The following ZNF879 variants were observed in gnomAD, a reference collection of about 807,000 sequenced individuals.
ZNF879 encodes zinc finger protein 879.
A neutral mutation model predicts 44.3 loss-of-function variants in ZNF879; 32 were observed. The observed-to-expected ratio is 0.72, with a 90% confidence interval of 0.54 to 0.97. The LOEUF is 0.97. Among genes scored for constraint, ZNF879 ranks in the 50% least tolerant of loss-of-function variants. ZNF879 has a pLI of 0.00. For synonymous variants in ZNF879, 234 were observed against 233.2 expected (o/e 1.00, Z -0.03); for missense variants, 621 against 669.7 (o/e 0.93, Z 0.80).
chr5:179,031,353 A>G (rs909519152), intron 4 of ZNF879, among the ~76,000 whole-genome samples: 2 of 152,120 alleles, frequency 1.3e-5, no homozygotes, highest in Admixed American at 6.5e-5. Context: ...ACTCTGCTTC[A>G]GCTATCATGG....
intron 4 of ZNF879, among the ~76,000 whole-genome samples, chr5:179,030,718 G>A (rs79419106): frequency 7.2e-4 from 86 of 119,496 alleles, no homozygotes; most frequent in African/African-American, 2.9e-3. Flanking sequence ...TTTTTCTTAT[G>A]ATGATATATT....
chr5:179,029,262 C>G (rs1761360712), intron 4 of ZNF879, among the ~76,000 whole-genome samples: 1 of 152,006 alleles, frequency 6.6e-6, no homozygotes, highest in African/African-American at 2.4e-5. Context: ...AGGACATCAT[C>G]TTTATCTTTG....
intron 4 of ZNF879, among the ~76,000 whole-genome samples, chr5:179,029,829 G>T (rs1269575240): frequency 2.0e-5 from 3 of 152,188 alleles, no homozygotes; most frequent in African/African-American, 4.8e-5. Flanking sequence ...TGTTTTAATT[G>T]TGAATGTCAT....
Position 179,025,016 on chromosome 5 carries a change from G to T in ZNF879, c.12G>T (p.Arg4Ser). The part of the protein sequence containing the change: MAR[R>S]LLPAHVQESV... ...GCAGGGAGGGAGAAATGGCAAGGAG[G>T]TTGCTGCCAGCCCATGTACAGGTGA... The change falls in exon 2 of 5, where the codon AGG becomes AGT. Residue 4 changes from arginine (R) to serine (S), a missense_variant. Coordinates refer to ENST00000444149, the MANE Select transcript of ZNF879 (RefSeq NM_001136116.3). 3.2e-6 allele frequency: 5 copies of T among 1,551,604 alleles called. No individual in the cohort carries two copies. Among genetic ancestry groups the T allele is most frequent in the Non-Finnish European group, 4.4e-6 (5 of 1,146,944 alleles).
At position 179,033,040 on chromosome 5, in the gene ZNF879, A is replaced by G. The variant is rs116786294; in HGVS notation, c.1092A>G (p.Arg364=). The change falls in exon 5 of 5, where the codon CGA becomes CGG. Residue 364 remains arginine (R), a synonymous_variant. Coordinates refer to ENST00000444149, the MANE Select transcript of ZNF879 (RefSeq NM_001136116.3). ...TSISRLSRHH[R]IHTGEKPFHC... is the part of the protein sequence containing the mutation. ...TATCGCGGCTAAGTAGGCACCATCG[A>G]ATTCATACTGGAGAGAAACCCTTTC... The G allele has an allele frequency of 6.7e-5, 105 of 1,559,066 alleles. No individual in the cohort carries two copies. Among genetic ancestry groups the G allele is most frequent in the African/African-American group, 4.6e-4 (34 of 73,316 alleles).
rs1284795304 is a variant in ZNF879, at chr5:179,033,537, A to C, written c.1589A>C (p.His530Pro). Residue 530 changes from histidine (H) to proline (P), a missense_variant, in exon 5 of 5, where the codon CAC (histidine) becomes CCC (proline). By Grantham distance (77) the His-to-Pro change is moderately conservative. Transcript: ENST00000444149. ...AFRQSSSLMT[H>P]MRIHTGEKPY... The stretch of plus-strand genomic sequence containing the variant: ...AGACAGAGTTCATCCCTTATGACAC[A>C]CATGAGAATTCATACAGGGGAAAAA... 6.4e-7 allele frequency: 1 copy of C among 1,554,662 alleles called. No individual in the cohort carries two copies. The highest frequency in any genetic ancestry group is 8.7e-7 in the Non-Finnish European group (1 of 1,148,942).
intron 4 of ZNF879, among the ~76,000 whole-genome samples, chr5:179,028,709 T>C (rs1375785576): frequency 6.6e-6 from 1 of 152,214 alleles, no homozygotes; most frequent in African/African-American, 2.4e-5. Context: ...TGTGAAAATT[T>C]AGAAAATAAT....
rs1199749008 is a variant in ZNF879 at position 179,034,675 on chromosome 5, TTCTTC to T, written c.*1036_*1040del. The T allele has an allele frequency of 6.6e-6, 1 of 152,252 alleles. No homozygotes were observed. The highest frequency in any genetic ancestry group is 1.5e-5 in the Non-Finnish European group (1 of 68,042). The allele number at this position is 152,252 out of a possible 1,614,324, so 9.4% of individuals were successfully genotyped here. A position where few individuals can be genotyped will look rare whatever the true frequency, so the allele number is the denominator to read the frequency against. Reference sequence around the variant, plus strand: ...TTTAGGCTCTGAGTTCAGATACTCTTTCTTCCAGCAAATGGACTTACACTCTTCAA... The same window carrying T: ...TTTAGGCTCTGAGTTCAGATACTCTTCAGCAAATGGACTTACACTCTTCAA... On this transcript the variant is annotated 3_prime_UTR_variant, in exon 5 of 5. Transcript: ENST00000444149.
Position 179,034,650 on chromosome 5 carries a change from T to C in ZNF879, c.*1010T>C, listed in dbSNP as rs1171046845. On this transcript the variant is annotated 3_prime_UTR_variant, in exon 5 of 5. Transcript: ENST00000444149. ...CACTCTAAAGGTCACTGGGCAAATA[T>C]TTAGGCTCTGAGTTCAGATACTCTT... The C allele has an allele frequency of 2.0e-5, 3 of 152,238 alleles. No individual in the cohort carries two copies. The highest frequency in any genetic ancestry group is 6.5e-5 in the Admixed American group (1 of 15,278). The allele number at this position is 152,238 out of a possible 1,614,324, so 9.4% of individuals were successfully genotyped here. A position where few individuals can be genotyped will look rare whatever the true frequency, so the allele number is the denominator to read the frequency against.
At position 179,033,526 on chromosome 5, in the gene ZNF879, C is replaced by T. The variant is rs776459651; in HGVS notation, c.1578C>T (p.Ser526=). The change falls in exon 5 of 5, where the codon TCC becomes TCT. Residue 526 remains serine (S), a synonymous_variant. Transcript: ENST00000444149. ...GGAAAGCCTTCAGACAGAGTTCATC[C>T]CTTATGACACACATGAGAATTCATA... ...VCGKAFRQSS[S]LMTHMRIHTG... 5.8e-6 allele frequency: 9 copies of T among 1,555,420 alleles called. No homozygotes were observed. Among genetic ancestry groups the T allele is most frequent in the Non-Finnish European group, 7.8e-6 (9 of 1,149,396 alleles).
chr5:179,028,204 G>GA, intron 4 of ZNF879, 77 bp downstream of exon 4: 2 of 1,320,248 alleles, frequency 1.5e-6, no homozygotes, highest in Non-Finnish European at 2.1e-6. Context: ...TGCGCTCAAG[G>GA]GTCTCCTTGA....
rs73340580 is a variant in ZNF879 at position 179,031,990 on chromosome 5, C to T, written c.257-215C>T. On this transcript the variant is annotated intron_variant, in intron 4 of 4. Coordinates refer to ENST00000444149, the MANE Select transcript of ZNF879 (RefSeq NM_001136116.3). ...GTTAATAGATCGAGCCTGGCTCTTC[C>T]TGTTGTCCCCTAATTTCCTCAGCCC... 3.3e-3 allele frequency among the ~76,000 whole-genome samples: 506 copies of T among 152,280 alleles called. 2 individuals carry two copies. Among genetic ancestry groups the T allele is most frequent in the African/African-American group, 0.012 (486 of 41,564 alleles).
At position 179,028,185 on chromosome 5, in the gene ZNF879, C is replaced by T. The variant is rs1014861530; in HGVS notation, c.256+58C>T. ...ACATTTTCCCACTGCCAGGGCACAG[C>T]GAGGAGGCTGCGCTCAAGGGTCTCC... On this transcript the variant is annotated intron_variant, in intron 4 of 4. Transcript: ENST00000444149. The T allele has an allele frequency of 3.3e-5, 49 of 1,480,408 alleles. No individual in the cohort carries two copies. In the African/African-American group the frequency reaches 4.9e-4, roughly 15 times the overall value. The allele number at this position is 1,480,408 out of a possible 1,614,324, so 91.7% of individuals were successfully genotyped here.
At chr5:179,031,730 A>T (rs1761423911) in intron 4 of ZNF879, among the ~76,000 whole-genome samples, 1 of 152,226 alleles carries the variant, frequency 6.6e-6, no homozygotes, top group Non-Finnish European at 1.5e-5. Context: ...GTAGGCACTC[A>T]GTAGGTATTA....
In ZNF879 at chr5:179,033,629, A is replaced by G. The variant is rs1761501666; in HGVS notation, c.1681A>G (p.Thr561Ala). The G allele has an allele frequency of 6.6e-7, 1 of 1,504,866 alleles. No homozygotes were observed. The allele number at this position is 1,504,866 out of a possible 1,614,324, so 93.2% of individuals were successfully genotyped here. ...CTCATCTCTTACTAATCATCAAAGG[A>G]CTCATAATTGAGAAAAACTGTATAA... ...QSSSLTNHQR[T>A]HN Residue 561 changes from threonine (T) to alanine (A), a missense_variant, in exon 5 of 5, where the codon ACT becomes GCT. Thr to Ala is a moderately conservative substitution (Grantham distance 58). Coordinates refer to ENST00000444149, the MANE Select transcript of ZNF879 (RefSeq NM_001136116.3).
Position 179,032,752 on chromosome 5 carries a change from C to T in ZNF879, c.804C>T (p.Ala268=). The change falls in exon 5 of 5, where the codon GCC becomes GCT. Residue 268 remains alanine (A), a synonymous_variant. Coordinates refer to ENST00000444149, the MANE Select transcript of ZNF879 (RefSeq NM_001136116.3). ...ATATATGTAGTGAATGTGGAAAAGC[C>T]TTCAGTTTCACCACATCTCTTATTG... The part of the protein sequence containing the change: ...KPYICSECGK[A]FSFTTSLIGH... 1 of 1,554,390 alleles carries T rather than the reference C, an allele frequency of 6.4e-7. No individual in the cohort carries two copies. The highest frequency in any genetic ancestry group is 8.7e-7 in the Non-Finnish European group (1 of 1,148,804).
intron 2 of ZNF879, among the ~76,000 whole-genome samples, chr5:179,025,540 C>T (rs1337443594): frequency 6.6e-6 from 1 of 152,214 alleles, no homozygotes; most frequent in African/African-American, 2.4e-5. Flanking sequence ...CAATGCCAGG[C>T]CACTGCCACT....
intron 2 of ZNF879, 124 bp from the exon 3 acceptor site, chr5:179,027,349 G>C (rs929273523): frequency 3.7e-6 from 5 of 1,362,852 alleles, no homozygotes; most frequent in Non-Finnish European, 5.0e-6. Context: ...TGTGTGCTTG[G>C]TAACTGAAAA....
chr5:179,032,113 G>A (rs1248593185), intron 4 of ZNF879, 92 bp from the exon 5 acceptor site: 1 of 969,374 alleles, frequency 1.0e-6, no homozygotes, highest in Non-Finnish European at 1.5e-6. Context: ...AAGATTTCAA[G>A]GCTTTATATT....
Sources: allele counts gnomAD v4.1 joint callset (sites outside exome capture counted in the v4.1 genomes callset), GRCh38; gene constraint gnomAD v4.1.1; transcripts MANE v1.5; gene names NCBI Gene and HGNC (gene_info 2026-07-23, HGNC 2026-07-21).